The following ITGAL variants were observed in gnomAD, a reference collection of about 807,000 sequenced individuals.
ITGAL encodes the protein integrin alpha-L.
Under a neutral mutation model 138.4 loss-of-function variants are expected in ITGAL, and 68 were observed. That is an observed-to-expected ratio of 0.49 (90% CI 0.40 to 0.60). The LOEUF is 0.60. Among genes scored for constraint, ITGAL ranks in the 20% least tolerant of loss-of-function variants. The pLI, the probability that ITGAL is intolerant of heterozygous loss-of-function variation, is 0.00. For synonymous variants in ITGAL, 561 were observed against 584.3 expected, an observed-to-expected ratio of 0.96 and a Z score of 0.57; for missense variants, 1,256 against 1,478.6, an observed-to-expected ratio of 0.85 and a Z score of 2.47.
At chr16:30,485,192 T>A (rs1242437599) in intron 9 of ITGAL, among the ~76,000 whole-genome samples, 1 of 108,742 alleles carries the variant, frequency 9.2e-6, no homozygotes, top group Non-Finnish European at 1.9e-5. Flanking sequence ...CCTCCCCCCT[T>A]CCTCTCCCCT....
intron 22 of ITGAL, 75 bp downstream of exon 22, chr16:30,510,546 C>G (rs548772992): frequency 8.1e-6 from 7 of 865,044 alleles, no homozygotes; most frequent in Non-Finnish European, 1.4e-5. Context: ...GCTCTTGGCT[C>G]AGGAGAAGGG....
At position 30,489,165 on chromosome 16, in the gene ITGAL, G is replaced by T; in HGVS notation, c.1080+10G>T. 1 of 1,614,064 alleles carries T rather than the reference G, an allele frequency of 6.2e-7. No homozygotes were observed. The highest frequency in any genetic ancestry group is 8.5e-7 in the Non-Finnish European group (1 of 1,179,998). On this transcript the variant is annotated intron_variant, in intron 10 of 30. Coordinates refer to ENST00000356798, the MANE Select transcript of ITGAL (RefSeq NM_002209.3). ...TGCTGACCTCAGCAGGGTGCGTGCT[G>T]GGCTGGAGCAATGGGCTGCAGGGAG...
At chr16:30,474,030 G>C (rs1213319871) in intron 1 of ITGAL, 166 bp from the exon 2 acceptor site, 3 of 698,496 alleles carry the variant, frequency 4.3e-6, no homozygotes, top group Non-Finnish European at 5.2e-6. Flanking sequence ...AGGGGGGCCG[G>C]GAGTTGCTCC....
chr16:30,495,049 A>T (rs2050780014), intron 13 of ITGAL, among the ~76,000 whole-genome samples, 199 bp downstream of exon 13: 3 of 152,152 alleles, frequency 2.0e-5, no homozygotes, highest in Admixed American at 2.0e-4. Context: ...TTTGAGACAG[A>T]GTCTCGCTCT....
intron 17 of ITGAL, among the ~76,000 whole-genome samples, chr16:30,503,052 T>C (rs2050929596): frequency 6.6e-6 from 1 of 152,056 alleles, no homozygotes; most frequent in Non-Finnish European, 1.5e-5. Context: ...TGACCTCAGG[T>C]GATCCACCCA....
At chr16:30,485,333 T>C (rs900185347) in intron 9 of ITGAL, among the ~76,000 whole-genome samples, 8 of 87,258 alleles carry the variant, frequency 9.2e-5, no homozygotes, top group Non-Finnish European at 1.8e-4. Context: ...CTCACGCCAT[T>C]CTCCTGCCTC....
chr16:30,490,226 TTAAA>T (rs1381731098), intron 11 of ITGAL, among the ~76,000 whole-genome samples: 2 of 115,184 alleles, frequency 1.7e-5, no homozygotes, highest in African/African-American at 3.3e-5. Flanking sequence ...AGACTCCGTC[TTAAA>T]AAAAAAAAAA....
chr16:30,517,643 T>C lies in ITGAL; in HGVS notation c.2977-6T>C. 1 of 1,613,584 alleles carries C rather than the reference T, an allele frequency of 6.2e-7. No individual in the cohort carries two copies. Among genetic ancestry groups the C allele is most frequent in the Non-Finnish European group, 8.5e-7 (1 of 1,179,530 alleles). ...CTCTAACTGAAGACCTGCCGCTTGTTCCTAGGAGCCTCCCGTGCCCTGCCA... is the reference window on the plus strand; with the variant it reads ...CTCTAACTGAAGACCTGCCGCTTGTCCCTAGGAGCCTCCCGTGCCCTGCCA... On this transcript the variant is annotated splice_region_variant and splice_polypyrimidine_tract_variant and intron_variant, in intron 26 of 30. Coordinates refer to ENST00000356798, the MANE Select transcript of ITGAL (RefSeq NM_002209.3).
chr16:30,497,200 A>G (rs2050813863), intron 15 of ITGAL, among the ~76,000 whole-genome samples: 1 of 151,782 alleles, frequency 6.6e-6, no homozygotes, highest in African/African-American at 2.4e-5. Flanking sequence ...AAAATTAGCC[A>G]GGCGTGGTGG....
In ITGAL at chr16:30,479,135, T is replaced by G; in HGVS notation, c.372T>G (p.Tyr124Ter). Reference protein sequence around the residue: ...GLSRTCDQNTYLSGLCYLFRQ... With the variant: ...GLSRTCDQNT The stretch of plus-strand genomic sequence containing the variant: ...CTCGAACGTGTGACCAGAACACCTA[T>G]CTGAGTGGCCTGTGTTACCTCTTCC... The change falls in exon 5 of 31, where the codon TAT becomes TAG. Residue 124 changes from tyrosine to a stop codon, truncating the protein, a stop_gained. Coordinates refer to ENST00000356798, the MANE Select transcript of ITGAL (RefSeq NM_002209.3). LOFTEE classifies it high-confidence loss of function. 1 of 1,614,160 alleles carries G rather than the reference T, an allele frequency of 6.2e-7. No individual in the cohort carries two copies. The highest frequency in any genetic ancestry group is 2.2e-5 in the East Asian group (1 of 44,890).
At chr16:30,503,064 C>T (rs1435077348) in intron 17 of ITGAL, among the ~76,000 whole-genome samples, 5 of 152,090 alleles carry the variant, frequency 3.3e-5, no homozygotes, top group Non-Finnish European at 7.4e-5. Context: ...ATCCACCCAC[C>T]TCGGCATCCC....
At chr16:30,490,719 G>C (rs1195092525) in intron 11 of ITGAL, among the ~76,000 whole-genome samples, 1 of 152,050 alleles carries the variant, frequency 6.6e-6, no homozygotes, top group African/African-American at 2.4e-5. Context: ...TCCTTTTTAA[G>C]GCTTCCTCCT....
chr16:30,497,235 C>T (rs1198094161), intron 15 of ITGAL, among the ~76,000 whole-genome samples: 4 of 151,302 alleles, frequency 2.6e-5, no homozygotes, highest in Non-Finnish European at 4.4e-5. Context: ...CGCAGCTACT[C>T]GGGAGGCTGA....
At chr16:30,519,484 CA>C (rs2051219116) in intron 29 of ITGAL, among the ~76,000 whole-genome samples, 1 of 152,080 alleles carries the variant, frequency 6.6e-6, no homozygotes, top group South Asian at 2.1e-4. Flanking sequence ...GTGGCAAGGC[CA>C]GGGGCCTCTG....
intron 6 of ITGAL, chr16:30,480,643 C>T (rs975024726): frequency 1.1e-4 from 17 of 152,132 alleles, no homozygotes; most frequent in Non-Finnish European, 2.5e-4. Context: ...TTGTATATTG[C>T]CTCATTTTCA....
At position 30,496,100 on chromosome 16, in the gene ITGAL, G is replaced by C. The variant is rs968959537; in HGVS notation, c.1507G>C (p.Gly503Arg). ...CCTGTCTCTTGCTACTTCCTAGTTG[G>C]GGTTTGAAGAAGTCTCAGAGCTGCA... is the stretch of plus-strand genomic sequence containing the variant. ...RVFIYQRRQL[G>R]FEEVSELQGD... Residue 503 changes from glycine to arginine, a missense_variant, in exon 14 of 31, where the codon GGG becomes CGG. Transcript: ENST00000356798. 2.5e-6 allele frequency: 4 copies of C among 1,613,564 alleles called. No individual in the cohort carries two copies. Among genetic ancestry groups the C allele is most frequent in the Admixed American group, 1.7e-5 (1 of 59,964 alleles).
At chr16:30,513,108 G>A (rs1317728849) in intron 24 of ITGAL, among the ~76,000 whole-genome samples, 1 of 152,240 alleles carries the variant, frequency 6.6e-6, no homozygotes, top group South Asian at 2.1e-4. Flanking sequence ...CGTGGAGAAA[G>A]TGCGGCTTGG....
intron 1 of ITGAL, among the ~76,000 whole-genome samples, chr16:30,473,491 G>C (rs2050422131): frequency 6.6e-6 from 1 of 152,172 alleles, no homozygotes; most frequent in Non-Finnish European, 1.5e-5. Context: ...TGGGAGGAGG[G>C]TGCTGGGTTC....
chr16:30,481,431 T>C lies in ITGAL; in HGVS notation c.577-8T>C. On this transcript the variant is annotated splice_region_variant and splice_polypyrimidine_tract_variant and intron_variant, in intron 6 of 30. Coordinates refer to ENST00000356798, the MANE Select transcript of ITGAL (RefSeq NM_002209.3). Reference sequence around the variant, plus strand: ...TAACTGAATGTCATTTCTTCCTTCCTTTTCTAGTTTGCTGCTGTTCAGTTT... The same window carrying C: ...TAACTGAATGTCATTTCTTCCTTCCCTTTCTAGTTTGCTGCTGTTCAGTTT... 6.2e-7 allele frequency: 1 copy of C among 1,608,190 alleles called. No homozygotes were observed. Among genetic ancestry groups the C allele is most frequent in the Non-Finnish European group, 8.5e-7 (1 of 1,176,210 alleles).
Sources: allele counts gnomAD v4.1 joint callset (sites outside exome capture counted in the v4.1 genomes callset), GRCh38; gene constraint gnomAD v4.1.1; transcripts MANE v1.5; gene names NCBI Gene and HGNC (gene_info 2026-07-23, HGNC 2026-07-21).